The following CDH8 variants were observed in gnomAD, a reference collection of about 807,000 sequenced individuals.
CDH8 encodes the protein cadherin-8.
CDH8 carries 17 observed loss-of-function variants against 68.1 expected under a neutral mutation model. The observed-to-expected ratio is 0.25, with a 90% CI of 0.17 to 0.37. CDH8 has a LOEUF of 0.37. Among genes scored for constraint, CDH8 ranks in the 10% least tolerant of loss-of-function variants. CDH8 has a pLI of 1.00. For synonymous variants in CDH8, 372 were observed against 365.1 expected (o/e 1.02, Z -0.21); for missense variants, 763 against 999.3 (o/e 0.76, Z 3.19).
chr16:61,832,701 CAAG>C (rs1214243160), intron 4 of CDH8, among the ~76,000 whole-genome samples: 2 of 151,244 alleles, frequency 1.3e-5, no homozygotes, highest in African/African-American at 4.9e-5. Context: ...TAAATAATAA[CAAG>C]AAAAATATTA....
At chr16:62,009,773 AG>A (rs1901762387) in intron 2 of CDH8, among the ~76,000 whole-genome samples, 1 of 152,348 alleles carries the variant, frequency 6.6e-6, no homozygotes, top group Admixed American at 6.5e-5. Flanking sequence ...TCCATCCAAA[AG>A]TCTTAATTCT....
intron 2 of CDH8, among the ~76,000 whole-genome samples, chr16:61,962,537 G>A (rs974311076): frequency 3.3e-5 from 5 of 152,110 alleles, no homozygotes; most frequent in South Asian, 2.1e-4. Context: ...GCACATTTTT[G>A]CAAGCCCAGT....
At chr16:61,888,778 C>T (rs1703705379) in intron 3 of CDH8, among the ~76,000 whole-genome samples, 1 of 152,126 alleles carries the variant, frequency 6.6e-6, no homozygotes, top group African/African-American at 2.4e-5. Context: ...AATGTACAGA[C>T]ATTTCAAGAC....
intron 2 of CDH8, among the ~76,000 whole-genome samples, chr16:61,979,477 T>C (rs1045259804): frequency 1.3e-5 from 2 of 152,198 alleles, no homozygotes; most frequent in African/African-American, 2.4e-5. Flanking sequence ...CACTGGTTGA[T>C]CAAGGCTCTT....
At chr16:61,903,446 C>A (rs1964013344) in intron 2 of CDH8, among the ~76,000 whole-genome samples, 1 of 152,240 alleles carries the variant, frequency 6.6e-6, no homozygotes. Flanking sequence ...GCCTCAGCCG[C>A]CCGAGTAGCT....
intron 9 of CDH8, among the ~76,000 whole-genome samples, chr16:61,721,411 T>C (rs866454442): frequency 6.6e-6 from 1 of 150,920 alleles, no homozygotes; most frequent in Non-Finnish European, 1.5e-5. Context: ...AAATCTCTTA[T>C]ATTTATTATT....
intron 1 of CDH8, among the ~76,000 whole-genome samples, chr16:62,034,852 T>G (rs1207745457): frequency 6.6e-6 from 1 of 152,208 alleles, no homozygotes; most frequent in Non-Finnish European, 1.5e-5. Context: ...GGACTAATAT[T>G]GTGCGTTTGC....
At chr16:61,980,892 G>A (rs898515159) in intron 2 of CDH8, among the ~76,000 whole-genome samples, 1 of 152,052 alleles carries the variant, frequency 6.6e-6, no homozygotes, top group African/African-American at 2.4e-5. Flanking sequence ...AAGAAAAAAC[G>A]CCAGATTTGG....
chr16:61,982,044 T>C (rs1027096231), intron 2 of CDH8, among the ~76,000 whole-genome samples: 7 of 152,122 alleles, frequency 4.6e-5, no homozygotes, highest in African/African-American at 1.7e-4. Flanking sequence ...CCCACCTTCA[T>C]GAACAATGAT....
At chr16:61,680,542 C>G (rs1028728969) in intron 10 of CDH8, among the ~76,000 whole-genome samples, 1 of 139,796 alleles carries the variant, frequency 7.2e-6, no homozygotes, top group African/African-American at 2.8e-5. Context: ...ATTATTTACT[C>G]AGGGGGACTT....
chr16:61,698,958 T>C (rs1421986113), intron 10 of CDH8, among the ~76,000 whole-genome samples: 1 of 152,216 alleles, frequency 6.6e-6, no homozygotes, highest in Admixed American at 6.5e-5. Flanking sequence ...TGCTGCCATG[T>C]AATCCTCATT....
At chr16:61,659,418 T>C (rs1361371087) in intron 10 of CDH8, among the ~76,000 whole-genome samples, 1 of 152,100 alleles carries the variant, frequency 6.6e-6, no homozygotes, top group Admixed American at 6.5e-5. Flanking sequence ...CAGCGAGCAG[T>C]TGGAGGACGA....
At chr16:61,857,782 C>T (rs999747788) in intron 3 of CDH8, among the ~76,000 whole-genome samples, 25 of 151,996 alleles carry the variant, frequency 1.6e-4, no homozygotes, top group Middle Eastern at 3.2e-3. Flanking sequence ...AGAATCATAA[C>T]CTTTTTTTCA....
intron 2 of CDH8, among the ~76,000 whole-genome samples, chr16:61,985,160 C>G (rs1229785899): frequency 6.6e-6 from 1 of 150,600 alleles, no homozygotes; most frequent in Non-Finnish European, 1.5e-5. Context: ...TTTGCTATAT[C>G]CTCTGTAGAT....
intron 1 of CDH8, among the ~76,000 whole-genome samples, chr16:62,025,556 G>A (rs1420459693): frequency 6.6e-6 from 1 of 152,140 alleles, no homozygotes; most frequent in Non-Finnish European, 1.5e-5. Flanking sequence ...CAACTCAGGG[G>A]AAACCTTTCA....
chr16:61,930,781 A>G (rs1236853516), intron 2 of CDH8, among the ~76,000 whole-genome samples: 3 of 152,182 alleles, frequency 2.0e-5, no homozygotes, highest in Non-Finnish European at 2.9e-5. Context: ...TTGGACCATT[A>G]AGGATTTTCT....
At chr16:61,933,041 A>C (rs12444179) in intron 2 of CDH8, among the ~76,000 whole-genome samples, 2 of 152,022 alleles carry the variant, frequency 1.3e-5, no homozygotes, top group Non-Finnish European at 2.9e-5. Flanking sequence ...AAAAGGAAGT[A>C]ATATTGATCA....
chr16:61,668,084 G>T (rs1963715753), intron 10 of CDH8, among the ~76,000 whole-genome samples: 1 of 151,966 alleles, frequency 6.6e-6, no homozygotes, highest in African/African-American at 2.4e-5. Flanking sequence ...CAAGGCAACT[G>T]GTGGACAAGA....
At chr16:61,758,383 T>C (rs978245860) in intron 8 of CDH8, among the ~76,000 whole-genome samples, 1 of 152,152 alleles carries the variant, frequency 6.6e-6, no homozygotes, top group African/African-American at 2.4e-5. Flanking sequence ...GAAGAAACTT[T>C]TTCTGAAATT....
Sources: allele counts gnomAD v4.1 joint callset (sites outside exome capture counted in the v4.1 genomes callset), GRCh38; gene constraint gnomAD v4.1.1; transcripts MANE v1.5; gene names NCBI Gene and HGNC (gene_info 2026-07-23, HGNC 2026-07-21).